Variants in SLC16A1 observed in about 807,000 individuals in gnomAD.
SLC16A1 encodes the protein monocarboxylate transporter 1.
In SLC16A1, 11 loss-of-function variants were observed where a neutral mutation model predicts 32.2. The observed-to-expected ratio is 0.34, with a 90% confidence interval of 0.21 to 0.56. SLC16A1 has a LOEUF of 0.56. SLC16A1 is among the 20% of genes least tolerant of loss of function. SLC16A1 has a pLI of 0.87. For missense variants in SLC16A1, 435 were observed against 615.0 expected, an observed-to-expected ratio of 0.71 and a Z score of 3.10; for synonymous variants, 231 against 226.8, an observed-to-expected ratio of 1.02 and a Z score of -0.17.
intron 1 of SLC16A1, among the ~76,000 whole-genome samples, chr1:112,954,704 T>A (rs1650014872): frequency 6.6e-6 from 1 of 152,208 alleles, no homozygotes; most frequent in Non-Finnish European, 1.5e-5. Flanking sequence ...TTAACAATGG[T>A]AACTGCAATC....
In SLC16A1 at chr1:112,917,876, C is replaced by T; in HGVS notation, c.530G>A (p.Ser177Asn). ...VFFGIFGWRG[S>N]FLILGGLLLN... is the part of the protein sequence containing the mutation. ...TAGCAAGCCCCCAAGAATTAGAAAGCTTCCTCTCCATCCAAAGATACCGAA... is the reference window on the plus strand; with the variant it reads ...TAGCAAGCCCCCAAGAATTAGAAAGTTTCCTCTCCATCCAAAGATACCGAA... Residue 177 changes from serine (S) to asparagine (N), a missense_variant, in exon 4 of 5, where the codon AGC becomes AAC. By Grantham distance (46) the Ser-to-Asn change is conservative. Coordinates refer to ENST00000369626, the MANE Select transcript of SLC16A1 (RefSeq NM_003051.4). This position sits in a 1 kb window ranked among gnomAD's most constrained non-coding sequence, Gnocchi z 4.1. 1.2e-6 allele frequency: 2 copies of T among 1,611,418 alleles called. No individual in the cohort carries two copies. The highest frequency in any genetic ancestry group is 1.7e-6 in the Non-Finnish European group (2 of 1,178,760).
chr1:112,921,124 G>A lies in SLC16A1; in HGVS notation c.361+866C>T, dbSNP rs551615479. Among the ~76,000 whole-genome samples the A allele has an allele frequency of 6.2e-5, 9 of 144,280 alleles. No homozygotes were observed. In the South Asian group the frequency reaches 1.9e-3, roughly 31 times the overall value. The allele number at this position is 144,280 out of a possible 152,430, so 94.7% of individuals were successfully genotyped here. A position where few individuals can be genotyped will look rare whatever the true frequency, so the allele number is the denominator to read the frequency against. ...CCACTGCACTCCAGCCTGGGAGACA[G>A]AGCGAGACTCCGTCTCAAAAAAAAA... On this transcript the variant is annotated intron_variant, in intron 3 of 4. Coordinates refer to ENST00000369626, the MANE Select transcript of SLC16A1 (RefSeq NM_003051.4).
intron 1 of SLC16A1, among the ~76,000 whole-genome samples, chr1:112,935,330 G>A (rs1038470961): frequency 2.0e-5 from 3 of 152,048 alleles, no homozygotes; most frequent in African/African-American, 2.4e-5. Context: ...CAGGAGAATC[G>A]CTTGAACCTG....
chr1:112,917,190 GC>G lies in SLC16A1; in HGVS notation c.1215del (p.Pro406HisfsTer4). On this transcript the variant is annotated frameshift_variant, in exon 4 of 5. Transcript: ENST00000369626. LOFTEE classifies it low-confidence loss of function (END_TRUNC). This position sits in a 1 kb window ranked among gnomAD's most constrained non-coding sequence, Gnocchi z 4.1. ...TIVECCPVLL[G>X]PPLLGRLNDM... ...AGATATACTATACCTAAAAGTGGTGGCCCCAGGAGGACAGGACAGCATTCCA... is the reference window on the plus strand; with the variant it reads ...AGATATACTATACCTAAAAGTGGTGGCCCAGGAGGACAGGACAGCATTCCA... 1 of 1,614,128 alleles carries G rather than the reference GC, an allele frequency of 6.2e-7. No homozygotes were observed. Among genetic ancestry groups the G allele is most frequent in the Non-Finnish European group, 8.5e-7 (1 of 1,180,026 alleles).
chr1:112,916,641 A>G (rs916833963), intron 4 of SLC16A1, among the ~76,000 whole-genome samples: 2 of 152,072 alleles, frequency 1.3e-5, no homozygotes. Flanking sequence ...AGAAAAAAAC[A>G]TATTTTAGGC....
intron 1 of SLC16A1, among the ~76,000 whole-genome samples, chr1:112,936,305 C>T (rs1324092730): frequency 6.6e-6 from 1 of 151,812 alleles, no homozygotes. Flanking sequence ...GTCAGGAGTT[C>T]GAGACCTGCC....
intron 1 of SLC16A1, among the ~76,000 whole-genome samples, chr1:112,940,258 G>A (rs1168736451): frequency 1.3e-5 from 2 of 151,960 alleles, no homozygotes; most frequent in South Asian, 4.2e-4. Flanking sequence ...GGCTGGTCTT[G>A]AACGCCTGGG....
chr1:112,940,324 T>A (rs79850491), intron 1 of SLC16A1, among the ~76,000 whole-genome samples: 3,552 of 152,258 alleles, frequency 0.023, 144 homozygotes, highest in African/African-American at 0.081. Flanking sequence ...ATTACAGGCA[T>A]CAGTCACGGC....
chr1:112,952,490 G>A lies in SLC16A1; in HGVS notation c.-45+3545C>T, dbSNP rs986325880. ...CAACCAATTATTTAAAAACAACTGA[G>A]GAATATTTGAATACTGACTGGATAT... is the stretch of plus-strand genomic sequence containing the variant. On this transcript the variant is annotated intron_variant, in intron 1 of 4. Transcript: ENST00000369626. Among the ~76,000 whole-genome samples the A allele has an allele frequency of 2.6e-5, 4 of 152,186 alleles. No homozygotes were observed. In the South Asian group the frequency reaches 6.2e-4, roughly 24 times the overall value.
chr1:112,946,397 G>A (rs983017962), intron 1 of SLC16A1, among the ~76,000 whole-genome samples: 3 of 151,904 alleles, frequency 2.0e-5, no homozygotes, highest in Non-Finnish European at 4.4e-5. Context: ...CCAAATATTA[G>A]CATTAGATGA....
At chr1:112,920,964 C>T (rs1475558251) in intron 3 of SLC16A1, among the ~76,000 whole-genome samples, 2 of 151,816 alleles carry the variant, frequency 1.3e-5, no homozygotes, top group African/African-American at 4.8e-5. Flanking sequence ...GATGAAACCC[C>T]GTCTCTACTA....
intron 1 of SLC16A1, among the ~76,000 whole-genome samples, chr1:112,947,446 T>A (rs1255386790): frequency 6.6e-6 from 1 of 152,178 alleles, no homozygotes; most frequent in Non-Finnish European, 1.5e-5. Context: ...AATAAGTGGA[T>A]TATAATTCAT....
intron 2 of SLC16A1, among the ~76,000 whole-genome samples, chr1:112,927,313 TAAACA>T (rs1259485811): frequency 6.7e-6 from 1 of 149,738 alleles, no homozygotes; most frequent in Non-Finnish European, 1.5e-5. Flanking sequence ...GAAAAACAAA[TAAACA>T]AACCAAAAGT....
In SLC16A1 at chr1:112,914,086, A is replaced by G; in HGVS notation, c.1308T>C (p.Tyr436=). ...AATTGATGCCCATGCCAATGAAGAG[A>G]TAGATACCTGAAATAATTAGGACGA... ...CGVVLIISGI[Y]LFIGMGINYR... Residue 436 remains tyrosine (Y), a synonymous_variant, in exon 5 of 5, where the codon TAT becomes TAC. Coordinates refer to ENST00000369626, the MANE Select transcript of SLC16A1 (RefSeq NM_003051.4). 6.2e-7 allele frequency: 1 copy of G among 1,614,192 alleles called. No individual in the cohort carries two copies. Among genetic ancestry groups the G allele is most frequent in the Non-Finnish European group, 8.5e-7 (1 of 1,180,024 alleles).
chr1:112,940,238 G>A (rs1040246085), intron 1 of SLC16A1, among the ~76,000 whole-genome samples: 7 of 151,678 alleles, frequency 4.6e-5, no homozygotes, highest in South Asian at 4.2e-4. Flanking sequence ...AAGTTTTGCC[G>A]TGTTTCACAG....
At chr1:112,922,656 TC>T (rs1648778931) in intron 2 of SLC16A1, among the ~76,000 whole-genome samples, 1 of 152,000 alleles carries the variant, frequency 6.6e-6, no homozygotes, top group African/African-American at 2.4e-5. Flanking sequence ...GTGCCTGTAA[TC>T]CCAGCTACTC....
chr1:112,943,682 G>A (rs2101647382), intron 1 of SLC16A1, among the ~76,000 whole-genome samples: 1 of 151,718 alleles, frequency 6.6e-6, no homozygotes, highest in African/African-American at 2.4e-5. Context: ...CAGCTTCTCA[G>A]GAGGCTGAGG....
intron 1 of SLC16A1, among the ~76,000 whole-genome samples, chr1:112,945,741 C>T (rs1649680342): frequency 6.6e-6 from 1 of 151,778 alleles, no homozygotes; most frequent in Admixed American, 6.6e-5. Flanking sequence ...ACCTGTAATC[C>T]CAGCACTTTG....
intron 1 of SLC16A1, among the ~76,000 whole-genome samples, chr1:112,932,748 C>T (rs185869842): frequency 7.2e-5 from 10 of 139,476 alleles, no homozygotes; most frequent in African/African-American, 2.1e-4. Flanking sequence ...GAGCCGAGAT[C>T]GCGCCATTGC....
Sources: allele counts gnomAD v4.1 joint callset (sites outside exome capture counted in the v4.1 genomes callset), GRCh38; gene constraint gnomAD v4.1.1; non-coding constraint Gnocchi (gnomAD v3.1); transcripts MANE v1.5; gene names NCBI Gene and HGNC (gene_info 2026-07-23, HGNC 2026-07-21).